Variants in ACTR1A observed in about 807,000 individuals in gnomAD.
ACTR1A encodes actin related protein 1A, also known as alpha-centractin.
A neutral mutation model predicts 50.7 loss-of-function variants in ACTR1A; 10 were observed. The observed-to-expected ratio is 0.20, with a 90% CI of 0.12 to 0.33. The LOEUF (loss-of-function observed/expected upper bound fraction) is 0.33. Among genes scored for constraint, ACTR1A ranks in the 10% least tolerant of loss-of-function variants. The probability of loss-of-function intolerance (pLI) is 1.00; values close to 1 mark genes in which losing one functional copy is unlikely to be tolerated. For synonymous variants in ACTR1A, 177 were observed against 184.2 expected (o/e 0.96, Z 0.32); for missense variants, 253 against 491.7 (o/e 0.51, Z 4.59).
At chr10:102,484,029 TG>T in intron 6 of ACTR1A, 130 bp downstream of exon 6, 1 of 770,416 alleles carries the variant, frequency 1.3e-6, no homozygotes, top group Non-Finnish European at 2.1e-6. Context: ...GAGACCTGGC[TG>T]GGAAGAACAA....
At chr10:102,493,659 T>C (rs142170677) in intron 1 of ACTR1A, among the ~76,000 whole-genome samples, 2 of 152,224 alleles carry the variant, frequency 1.3e-5, no homozygotes, top group African/African-American at 4.8e-5. Flanking sequence ...TACCACGAGG[T>C]GGCATGCACT....
At position 102,480,719 on chromosome 10, in the gene ACTR1A, G is replaced by A; in HGVS notation, c.*144C>T. The A allele has an allele frequency of 4.1e-6, 3 of 723,848 alleles. No individual in the cohort carries two copies. The South Asian group carries it at 4.9e-5, about 12-fold the overall frequency. The allele number at this position is 723,848 out of a possible 1,614,324, so 44.8% of individuals were successfully genotyped here. A position where few individuals can be genotyped will look rare whatever the true frequency, so the allele number is the denominator to read the frequency against. ...TCCTTTCTGGGCCCAGGGTCCCAGG[G>A]CCACACGGCACTCGCATGTGCACAC... On this transcript the variant is annotated 3_prime_UTR_variant, in exon 11 of 11. Coordinates refer to ENST00000369905, the MANE Select transcript of ACTR1A (RefSeq NM_005736.4).
At chr10:102,483,553 A>G (rs1348267699) in intron 6 of ACTR1A, 1 of 158,554 alleles carries the variant, frequency 6.3e-6, no homozygotes, top group African/African-American at 2.4e-5. Flanking sequence ...AAATAAAAAA[A>G]CCAGGAGTGG....
At chr10:102,481,074 A>T (rs930943540) in intron 10 of ACTR1A, 58 bp downstream of exon 10, 3 of 1,594,320 alleles carry the variant, frequency 1.9e-6, no homozygotes, top group Non-Finnish European at 2.6e-6. Context: ...GAGGGTGCTG[A>T]GGGGTTATCA....
chr10:102,499,985 G>C (rs1165556395), intron 1 of ACTR1A, among the ~76,000 whole-genome samples: 1 of 152,092 alleles, frequency 6.6e-6, no homozygotes, highest in Non-Finnish European at 1.5e-5. Flanking sequence ...TAGGTATACT[G>C]TGTGTGTGTG....
At chr10:102,497,620 A>G (rs2062228462) in intron 1 of ACTR1A, among the ~76,000 whole-genome samples, 1 of 150,348 alleles carries the variant, frequency 6.7e-6, no homozygotes, top group Non-Finnish European at 1.5e-5. Context: ...ATAATTAAAA[A>G]TTAAAAAAAA....
At chr10:102,485,922 G>T (rs1207698184) in intron 4 of ACTR1A, among the ~76,000 whole-genome samples, 189 bp from the exon 5 acceptor site, 1 of 152,074 alleles carries the variant, frequency 6.6e-6, no homozygotes, top group Non-Finnish European at 1.5e-5. Flanking sequence ...TCAAGTTAAT[G>T]CCCACTTTAA....
chr10:102,498,661 T>C (rs2062233607), intron 1 of ACTR1A, among the ~76,000 whole-genome samples: 1 of 151,506 alleles, frequency 6.6e-6, no homozygotes, highest in Non-Finnish European at 1.5e-5. Flanking sequence ...AAAGTAGAGA[T>C]GAAGTCTCAC....
At chr10:102,492,786 T>G (rs1391435167) in intron 1 of ACTR1A, among the ~76,000 whole-genome samples, 1 of 151,830 alleles carries the variant, frequency 6.6e-6, no homozygotes, top group South Asian at 2.1e-4. Flanking sequence ...GCAGATCACA[T>G]GAGGCCAGGG....
In ACTR1A at chr10:102,488,309, C is replaced by G; in HGVS notation, c.190-34G>C. ...AGAGAACAGGACTTACGACTGCAGT[C>G]AGGCTCCACCCAGGACCCTGTTCTC... is the stretch of plus-strand genomic sequence containing the variant. On this transcript the variant is annotated intron_variant, in intron 3 of 10. Transcript: ENST00000369905. The surrounding 1 kb of genome is among the most constrained non-coding windows in gnomAD (Gnocchi z 4.4). 6 of 1,605,902 alleles carry G rather than the reference C, an allele frequency of 3.7e-6. No individual in the cohort carries two copies. The highest frequency in any genetic ancestry group is 5.1e-6 in the Non-Finnish European group (6 of 1,173,126).
intron 1 of ACTR1A, among the ~76,000 whole-genome samples, chr10:102,497,357 A>G (rs1398609411): frequency 6.6e-6 from 1 of 152,164 alleles, no homozygotes; most frequent in African/African-American, 2.4e-5. Flanking sequence ...GGATGATAGC[A>G]CTTAAGTAAA....
Position 102,483,255 on chromosome 10 carries a change from TGAGGTCTCTGTTGGCC to T in ACTR1A, c.658-168_658-153del. ...AGCTGCTGCCCAGAAGCAGGGGCAG[TGAGGTCTCTGTTGGCC>T]TTCACTGGGTGGCATTTAGCATATG... is the stretch of plus-strand genomic sequence containing the variant. On this transcript the variant is annotated intron_variant, in intron 6 of 10. Coordinates refer to ENST00000369905, the MANE Select transcript of ACTR1A (RefSeq NM_005736.4). 5 of 674,812 alleles carry T rather than the reference TGAGGTCTCTGTTGGCC, an allele frequency of 7.4e-6. 1 individual carries two copies. The South Asian group carries it at 8.6e-5, about 12-fold the overall frequency. The allele number at this position is 674,812 out of a possible 1,614,324, so 41.8% of individuals were successfully genotyped here.
chr10:102,489,395 T>G (rs573878212), intron 2 of ACTR1A, among the ~76,000 whole-genome samples: 2 of 152,286 alleles, frequency 1.3e-5, no homozygotes, highest in South Asian at 2.1e-4. Flanking sequence ...ATTTAATACC[T>G]CTAGTTCTTC....
At chr10:102,497,543 C>T (rs1376700865) in intron 1 of ACTR1A, among the ~76,000 whole-genome samples, 1 of 151,310 alleles carries the variant, frequency 6.6e-6, no homozygotes, top group East Asian at 2.0e-4. Context: ...GCTACGACTG[C>T]AGCACTGCAC....
Position 102,479,483 on chromosome 10 carries a change from G to C in ACTR1A, c.*1380C>G. On this transcript the variant is annotated 3_prime_UTR_variant, in exon 11 of 11. Transcript: ENST00000369905. The surrounding 1 kb of genome is among the most constrained non-coding windows in gnomAD (Gnocchi z 4.0). ...AAGTCTGGGATTGGGGTGGGTCTTG[G>C]TGTCACAGGTGAGGGTGCCGGTGAA... 1.9e-6 allele frequency: 1 copy of C among 527,298 alleles called. No individual in the cohort carries two copies. The highest frequency in any genetic ancestry group is 3.1e-6 in the Non-Finnish European group (1 of 323,952). 32.7% of individuals were successfully genotyped at this position (527,298 alleles called of 1,614,324 possible). A position where few individuals can be genotyped will look rare whatever the true frequency, so the allele number is the denominator to read the frequency against.
At chr10:102,490,917 TG>T (rs1408254769) in intron 1 of ACTR1A, among the ~76,000 whole-genome samples, 3 of 151,978 alleles carry the variant, frequency 2.0e-5, no homozygotes, top group Non-Finnish European at 2.9e-5. Flanking sequence ...CACTTGAATC[TG>T]GGAGGCAGAG....
At chr10:102,490,162 T>G (rs7092622) in intron 2 of ACTR1A, among the ~76,000 whole-genome samples, 52,335 of 144,864 alleles carry the variant, frequency 0.36, 9,304 homozygotes, top group African/African-American at 0.41. Flanking sequence ...GAACCCGGGA[T>G]GCAGAGCTTG....
chr10:102,481,298 G>T, intron 9 of ACTR1A, 126 bp from the exon 10 acceptor site: 1 of 1,061,038 alleles, frequency 9.4e-7, no homozygotes. Context: ...TGGCCTCTCT[G>T]GAGGGCACTG....
intron 1 of ACTR1A, among the ~76,000 whole-genome samples, chr10:102,492,382 TAACTC>T (rs1371385402): frequency 4.6e-5 from 7 of 152,050 alleles, no homozygotes; most frequent in South Asian, 2.1e-4. Context: ...TCTTCCTTCT[TAACTC>T]TTCTACCACC....
Sources: gnomAD v4.1 joint callset for allele counts (sites outside exome capture counted in the v4.1 genomes callset) on GRCh38, gnomAD v4.1.1 for gene constraint, Gnocchi (gnomAD v3.1) non-coding constraint, MANE v1.5 for transcripts, NCBI Gene and HGNC (gene_info 2026-07-23, HGNC 2026-07-21) for gene names.